The following NOTCH2 variants were observed in gnomAD, a reference collection of about 807,000 sequenced individuals.
NOTCH2 encodes neurogenic locus notch homolog protein 2.
NOTCH2 carries 29 observed loss-of-function variants against 235.8 expected under a neutral mutation model. The ratio of observed to expected loss-of-function variants is 0.12; its 90% CI spans 0.09 to 0.17. NOTCH2 has a LOEUF of 0.17. NOTCH2 is among the 10% of genes least tolerant of loss of function. The pLI, the probability that NOTCH2 is intolerant of heterozygous loss-of-function variation, is 1.00. For synonymous variants in NOTCH2, 1,086 were observed against 1,141.5 expected (o/e 0.95, Z 0.98); for missense variants, 2,285 against 3,150.2 (o/e 0.73, Z 6.57).
chr1:119,928,717 T>G (rs1649554786), intron 23 of NOTCH2, among the ~76,000 whole-genome samples: 1 of 152,182 alleles, frequency 6.6e-6, no homozygotes, highest in Admixed American at 6.5e-5. Flanking sequence ...CAATATACAT[T>G]GTAAAAAATA....
intron 1 of NOTCH2, among the ~76,000 whole-genome samples, chr1:120,039,156 T>A (rs1654440127): frequency 6.6e-6 from 1 of 152,076 alleles, no homozygotes; most frequent in Admixed American, 6.6e-5. Context: ...AGGTTCAGGA[T>A]CTCAGTGTAA....
chr1:119,955,800 G>C (rs1570690385), intron 12 of NOTCH2, among the ~76,000 whole-genome samples: 1 of 152,146 alleles, frequency 6.6e-6, no homozygotes, highest in Non-Finnish European at 1.5e-5. Flanking sequence ...TCAGGAAGTA[G>C]AGTCTCAAAG....
chr1:119,964,099 C>T (rs1651045241), intron 10 of NOTCH2, among the ~76,000 whole-genome samples: 1 of 152,208 alleles, frequency 6.6e-6, no homozygotes, highest in South Asian at 2.1e-4. Flanking sequence ...TACTAGGCTT[C>T]AGGTATAACA....
At chr1:119,999,961 AAGAAAGAAAG>A (rs1183677694) in intron 3 of NOTCH2, among the ~76,000 whole-genome samples, 1 of 129,828 alleles carries the variant, frequency 7.7e-6, no homozygotes, top group Non-Finnish European at 1.5e-5. Flanking sequence ...GAAAGAAAGA[AAGAAAGAAAG>A]AAAGAAAGGA....
Position 119,986,953 on chromosome 1 carries a change from T to C in NOTCH2, c.874+7A>G. 2 of 1,613,524 alleles carry C rather than the reference T, an allele frequency of 1.2e-6. No individual in the cohort carries two copies. The highest frequency in any genetic ancestry group is 1.7e-5 in the Admixed American group (1 of 59,986). The stretch of plus-strand genomic sequence containing the variant: ...CCATTCTGGTGGATTCTCCACACTG[T>C]ACATACCTGTCCATTGTGGGGGACA... On this transcript the variant is annotated splice_region_variant and intron_variant, in intron 5 of 33. Transcript: ENST00000256646.
chr1:119,964,154 C>A (rs1553199364), intron 10 of NOTCH2, among the ~76,000 whole-genome samples: 1 of 152,104 alleles, frequency 6.6e-6, no homozygotes. Flanking sequence ...GTATTTCTTT[C>A]TTCCCAAGTC....
rs587683466 is a variant in NOTCH2, at chr1:119,951,093, C to T, written c.2366-256G>A. 4.6e-5 allele frequency among the ~76,000 whole-genome samples: 7 copies of T among 152,344 alleles called. No individual in the cohort carries two copies. In the South Asian group the frequency reaches 1.4e-3, roughly 32 times the overall value. ...TGAAAGCCTAATGCCCCTCCAACTA[C>T]AAATAACTTCTCAATAATGAAGTTC... On this transcript the variant is annotated intron_variant, in intron 14 of 33. Coordinates refer to ENST00000256646, the MANE Select transcript of NOTCH2 (RefSeq NM_024408.4).
chr1:119,940,251 CT>C (rs1331057285), intron 19 of NOTCH2, among the ~76,000 whole-genome samples: 8 of 152,022 alleles, frequency 5.3e-5, no homozygotes, highest in Admixed American at 1.3e-4. Flanking sequence ...TCTTTTTGTG[CT>C]TCCAATGTAA....
At chr1:119,965,915 A>G (rs587751985) in intron 9 of NOTCH2, among the ~76,000 whole-genome samples, 1 of 152,288 alleles carries the variant, frequency 6.6e-6, no homozygotes, top group South Asian at 2.1e-4. Context: ...ATGGAGGACA[A>G]TTTGGCATAT....
chr1:119,947,406 A>G (rs587656819), intron 17 of NOTCH2, among the ~76,000 whole-genome samples: 1 of 152,336 alleles, frequency 6.6e-6, no homozygotes, highest in South Asian at 2.1e-4. Flanking sequence ...AAGCACACGA[A>G]ATGATGCTTA....
intron 5 of NOTCH2, among the ~76,000 whole-genome samples, chr1:119,975,362 A>T (rs1296385560): frequency 6.6e-6 from 1 of 152,204 alleles, no homozygotes; most frequent in Non-Finnish European, 1.5e-5. Context: ...TTATGGGCAC[A>T]GTCAGCCAGG....
rs1182426307 is a variant in NOTCH2, at chr1:120,008,569, AG to A, written c.156-2982del. On this transcript the variant is annotated intron_variant, in intron 2 of 33. Transcript: ENST00000256646. ...TTCCACTACAACAACAGAGTCAAGT[AG>A]CTGTAATGAGACCACAAAGCCTGCA... Among the ~76,000 whole-genome samples the A allele has an allele frequency of 1.6e-3, 179 of 112,898 alleles. 2 individuals are homozygous for A. The highest frequency in any genetic ancestry group is 8.2e-4 in the Non-Finnish European group (44 of 53,708). 74.1% of individuals were successfully genotyped at this position (112,898 alleles called of 152,430 possible).
At chr1:119,938,266 A>T (rs1649933737) in intron 19 of NOTCH2, among the ~76,000 whole-genome samples, 1 of 152,160 alleles carries the variant, frequency 6.6e-6, no homozygotes. Flanking sequence ...ACGATATATA[A>T]CGAAACCAAT....
At chr1:120,000,824 G>C (rs1201623497) in intron 3 of NOTCH2, among the ~76,000 whole-genome samples, 1 of 152,066 alleles carries the variant, frequency 6.6e-6, no homozygotes, top group Non-Finnish European at 1.5e-5. Context: ...TACCATCATC[G>C]TCATGATGGA....
At chr1:120,065,760 C>CAG (rs1319145379) in intron 1 of NOTCH2, among the ~76,000 whole-genome samples, 1 of 151,914 alleles carries the variant, frequency 6.6e-6, no homozygotes, top group Admixed American at 6.6e-5. Context: ...AAGTCATTTG[C>CAG]AGAGAAAGGG....
intron 1 of NOTCH2, among the ~76,000 whole-genome samples, chr1:120,037,960 AATC>A (rs1553212159): frequency 6.6e-6 from 1 of 152,148 alleles, no homozygotes; most frequent in African/African-American, 2.4e-5. Context: ...ACTATAAAAA[AATC>A]ATTCCAGTTA....
intron 2 of NOTCH2, among the ~76,000 whole-genome samples, chr1:120,013,399 T>C (rs1553207323): frequency 6.9e-6 from 1 of 145,610 alleles, no homozygotes; most frequent in South Asian, 2.3e-4. Flanking sequence ...ATCTAGATAG[T>C]TTTTGTGGGG....
chr1:119,925,918 C>A, intron 24 of NOTCH2, 108 bp from the exon 25 acceptor site: 2 of 1,305,312 alleles, frequency 1.5e-6, no homozygotes, highest in South Asian at 2.5e-5. Flanking sequence ...CTGTACTTCC[C>A]GTTCAGCCCA....
chr1:119,981,466 C>T (rs1175753098), intron 5 of NOTCH2, among the ~76,000 whole-genome samples: 1 of 152,046 alleles, frequency 6.6e-6, no homozygotes, highest in African/African-American at 2.4e-5. Flanking sequence ...TAAGTAGGTC[C>T]AATAGATAAA....
Sources: gnomAD v4.1 joint callset for allele counts (sites outside exome capture counted in the v4.1 genomes callset) on GRCh38, gnomAD v4.1.1 for gene constraint, MANE v1.5 for transcripts, NCBI Gene and HGNC (gene_info 2026-07-23, HGNC 2026-07-21) for gene names.